Variants in DFFA observed in about 807,000 individuals in gnomAD.
The protein encoded by DFFA is DFF45.
In DFFA, 14 loss-of-function variants were observed where a neutral mutation model predicts 28.0. The ratio of observed to expected loss-of-function variants is 0.50; its 90% CI spans 0.33 to 0.78. The LOEUF is 0.78. Ranked by LOEUF, DFFA falls within the 30% of genes least tolerant of loss-of-function variation. The pLI, the probability that DFFA is intolerant of heterozygous loss-of-function variation, is 0.02. For synonymous variants in DFFA, 158 were observed against 170.3 expected, an observed-to-expected ratio of 0.93 and a Z score of 0.56; for missense variants, 395 against 407.1, an observed-to-expected ratio of 0.97 and a Z score of 0.26.
At position 10,461,319 on chromosome 1, in the gene DFFA, G is replaced by C; in HGVS notation, c.*171C>G. The C allele has an allele frequency of 8.7e-7, 1 of 1,149,118 alleles. No homozygotes were observed. Among genetic ancestry groups the C allele is most frequent in the Non-Finnish European group, 1.2e-6 (1 of 841,984 alleles). 71.2% of individuals were successfully genotyped at this position (1,149,118 alleles called of 1,614,324 possible). ...TTGGCAGAAGTCCTGAAGCTGGTGG[G>C]GCTAAAAAAAAAATTGGTGGAACGG... On this transcript the variant is annotated 3_prime_UTR_variant, in exon 6 of 6. Coordinates refer to ENST00000377038, the MANE Select transcript of DFFA (RefSeq NM_004401.3).
Position 10,463,549 on chromosome 1 carries a change from C to T in DFFA, c.513G>A (p.Leu171=), listed in dbSNP as rs773067527. 1 of 1,614,198 alleles carries T rather than the reference C, an allele frequency of 6.2e-7. No individual in the cohort carries two copies. The highest frequency in any genetic ancestry group is 1.7e-5 in the Admixed American group (1 of 60,022). ...LRQSCATVQR[L]QHTLQQVLDQ... is the part of the protein sequence containing the mutation. Reference sequence around the variant, plus strand: ...CAAGCACCTGTTGGAGTGTGTGCTGCAGCCGCTGGACGGTGGCACAACTCT... The same window carrying T: ...CAAGCACCTGTTGGAGTGTGTGCTGTAGCCGCTGGACGGTGGCACAACTCT... Residue 171 remains leucine (L), a synonymous_variant, in exon 4 of 6, where the codon CTG becomes CTA. Transcript: ENST00000377038.
intron 2 of DFFA, 61 bp from the exon 3 acceptor site, chr1:10,467,393 C>G: frequency 1.3e-6 from 2 of 1,568,702 alleles, no homozygotes; most frequent in Non-Finnish European, 8.8e-7. Flanking sequence ...TCACCTCCTC[C>G]CCCAGCACAC....
At position 10,471,706 on chromosome 1, in the gene DFFA, G is replaced by A. The variant is rs148766616; in HGVS notation, c.136+617C>T. On this transcript the variant is annotated intron_variant, in intron 1 of 5. Transcript: ENST00000377038. ...CACTTAAATATATCATCTTATTTGA[G>A]AGAACCAACAACCCTTTGAAGCAGG... is the stretch of plus-strand genomic sequence containing the variant. Among the ~76,000 whole-genome samples, 51 of 152,248 alleles carry A rather than the reference G, an allele frequency of 3.3e-4. 1 individual carries two copies. The East Asian group carries it at 9.4e-3, about 28-fold the overall frequency.
chr1:10,461,907 T>C (rs773939411), intron 5 of DFFA: 60 of 966,466 alleles, frequency 6.2e-5, no homozygotes, highest in Non-Finnish European at 7.4e-5. Flanking sequence ...CAGGCTGGAG[T>C]GCAGTGACAC....
Position 10,458,057 on chromosome 1 carries a change from A to G in DFFA, c.*3433T>C, listed in dbSNP as rs1035322621. 1 of 151,996 alleles carries G rather than the reference A, an allele frequency of 6.6e-6. No homozygotes were observed. The highest frequency in any genetic ancestry group is 1.5e-5 in the Non-Finnish European group (1 of 67,998). The allele number at this position is 151,996 out of a possible 1,614,324, so 9.4% of individuals were successfully genotyped here. Reference sequence around the variant, plus strand: ...CCCTGGATTTCCTAGGAATGTAGCTACTCTGTAAATCAAGGACAGACACGT... The same window carrying G: ...CCCTGGATTTCCTAGGAATGTAGCTGCTCTGTAAATCAAGGACAGACACGT... On this transcript the variant is annotated 3_prime_UTR_variant, in exon 6 of 6. Transcript: ENST00000377038.
In DFFA at chr1:10,461,009, T is replaced by C. The variant is rs1319276596; in HGVS notation, c.*481A>G. 5 of 150,840 alleles carry C rather than the reference T, an allele frequency of 3.3e-5. No homozygotes were observed. Among genetic ancestry groups the C allele is most frequent in the South Asian group, 4.2e-4 (2 of 4,802 alleles). The allele number at this position is 150,840 out of a possible 1,614,324, so 9.3% of individuals were successfully genotyped here. A position where few individuals can be genotyped will look rare whatever the true frequency, so the allele number is the denominator to read the frequency against. On this transcript the variant is annotated 3_prime_UTR_variant, in exon 6 of 6. Coordinates refer to ENST00000377038, the MANE Select transcript of DFFA (RefSeq NM_004401.3). ...CTGCAAGCTCTGCCTCCCAGGTTCA[T>C]GCCATTCTCCTGCCTCAGCCTCCCA...
At chr1:10,470,147 A>G (rs565251958) in intron 1 of DFFA, among the ~76,000 whole-genome samples, 28 of 152,200 alleles carry the variant, frequency 1.8e-4, no homozygotes, top group African/African-American at 6.3e-4. Flanking sequence ...TTAATCTCAT[A>G]ATAATCCTGT....
At chr1:10,467,042 T>C in intron 3 of DFFA, 148 bp downstream of exon 3, 1 of 921,572 alleles carries the variant, frequency 1.1e-6, no homozygotes, top group Non-Finnish European at 1.6e-6. Context: ...AATGAGAAGA[T>C]GAAAAATCTT....
chr1:10,471,831 G>C (rs1057441647), intron 1 of DFFA, among the ~76,000 whole-genome samples: 1 of 152,146 alleles, frequency 6.6e-6, no homozygotes, highest in South Asian at 2.1e-4. Flanking sequence ...GGCCGGGCTC[G>C]GAACTTCCGT....
intron 1 of DFFA, among the ~76,000 whole-genome samples, chr1:10,470,204 G>A (rs1270930836): frequency 2.0e-5 from 3 of 152,098 alleles, no homozygotes; most frequent in East Asian, 3.8e-4. Flanking sequence ...ATGAACCCAA[G>A]GCTCAGAGAG....
chr1:10,461,512 C>T lies in DFFA; in HGVS notation c.974G>A (p.Arg325Gln), dbSNP rs140269107. ...CTGCTATGTGGGATCCTGTCTGGCT[C>T]GCTTAGGATTCTGCAGGTCACCAGG... is the stretch of plus-strand genomic sequence containing the variant. ...SPPGDLQNPKRARQDPT is the reference protein window; with the variant it reads ...SPPGDLQNPKQARQDPT Residue 325 changes from arginine to glutamine, a missense_variant, in exon 6 of 6, where the codon CGA becomes CAA. Coordinates refer to ENST00000377038, the MANE Select transcript of DFFA (RefSeq NM_004401.3). 2,368 of 1,614,002 alleles carry T rather than the reference C, an allele frequency of 1.5e-3. 44 individuals are homozygous for T. In the East Asian group the frequency reaches 0.041, roughly 28 times the overall value.
At position 10,462,753 on chromosome 1, in the gene DFFA, G is replaced by A. The variant is rs915438828; in HGVS notation, c.783+305C>T. 13 of 1,217,620 alleles carry A rather than the reference G, an allele frequency of 1.1e-5. No individual in the cohort carries two copies. In the African/African-American group the frequency reaches 1.8e-4, roughly 17 times the overall value. The allele number at this position is 1,217,620 out of a possible 1,614,324, so 75.4% of individuals were successfully genotyped here. ...TATAGATCTTCTCTGACCATGGAAA[G>A]ACCCAGAAGCCATCTCAGAAGATTG... On this transcript the variant is annotated intron_variant, in intron 5 of 5. Coordinates refer to ENST00000377038, the MANE Select transcript of DFFA (RefSeq NM_004401.3).
intron 1 of DFFA, 151 bp from the exon 2 acceptor site, chr1:10,469,489 AC>A (rs2124348178): frequency 1.5e-6 from 1 of 660,204 alleles, no homozygotes; most frequent in African/African-American, 1.8e-5. Flanking sequence ...CACTACCAGA[AC>A]ACTCATCACG....
intron 5 of DFFA, chr1:10,462,512 C>CTAGAGTAATTT (rs1640962651): frequency 1.0e-6 from 1 of 989,904 alleles, no homozygotes; most frequent in African/African-American, 1.7e-5. Flanking sequence ...GGTCCTCCAC[C>CTAGAGTAATTT]TTCAGGAAAT....
chr1:10,466,887 A>T (rs1641030155), intron 3 of DFFA, among the ~76,000 whole-genome samples: 1 of 140,096 alleles, frequency 7.1e-6, no homozygotes, highest in South Asian at 2.5e-4. Flanking sequence ...CGGGAGGTGG[A>T]GACTGCAGTG....
chr1:10,464,323 A>ACC (rs2124342209), intron 3 of DFFA, among the ~76,000 whole-genome samples: 2 of 149,256 alleles, frequency 1.3e-5, no homozygotes, highest in Non-Finnish European at 3.0e-5. Flanking sequence ...CGATCTCCTG[A>ACC]TCTTGTGATC....
At chr1:10,466,471 G>C (rs961423145) in intron 3 of DFFA, among the ~76,000 whole-genome samples, 1 of 150,912 alleles carries the variant, frequency 6.6e-6, no homozygotes, top group Non-Finnish European at 1.5e-5. Flanking sequence ...TTACAGGCGT[G>C]AGCCACTGCA....
At chr1:10,463,674 T>C (rs948404114) in intron 3 of DFFA, 54 bp from the exon 4 acceptor site, 17 of 1,519,202 alleles carry the variant, frequency 1.1e-5, no homozygotes, top group Non-Finnish European at 1.4e-5. Flanking sequence ...TGACTTTCTT[T>C]TTTTTTTTTG....
At chr1:10,461,860 C>G in intron 5 of DFFA, 158 bp from the exon 6 acceptor site, 1 of 985,348 alleles carries the variant, frequency 1.0e-6, no homozygotes, top group African/African-American at 1.7e-5. Flanking sequence ...TTGCCACGGG[C>G]TTTTTGTTTT....
Sources: gnomAD v4.1 joint callset for allele counts (sites outside exome capture counted in the v4.1 genomes callset) on GRCh38, gnomAD v4.1.1 for gene constraint, MANE v1.5 for transcripts, NCBI Gene and HGNC (gene_info 2026-07-23, HGNC 2026-07-21) for gene names.